Variants in XXYLT1 observed in about 807,000 individuals in gnomAD.
The protein encoded by XXYLT1 is xyloside xylosyltransferase 1, also known as UDP-xylose:alpha-xyloside alpha-1,3-xylosyltransferase.
XXYLT1 carries 20 observed loss-of-function variants against 28.9 expected under a neutral mutation model. The observed-to-expected ratio is 0.69, with a 90% confidence interval of 0.49 to 1.00. XXYLT1 has a LOEUF of 1.00. Ranked by LOEUF, XXYLT1 falls within the 50% of genes least tolerant of loss-of-function variation. The pLI is 0.00. For missense variants in XXYLT1, 542 were observed against 560.1 expected (o/e 0.97, Z 0.33); for synonymous variants, 257 against 253.8 (o/e 1.01, Z -0.12).
At chr3:195,167,454 G>A (rs1560131164) in intron 2 of XXYLT1, among the ~76,000 whole-genome samples, 3 of 152,114 alleles carry the variant, frequency 2.0e-5, no homozygotes, top group Non-Finnish European at 4.4e-5. Context: ...AGCCGGGAGT[G>A]GTGGTGGGCA....
chr3:195,128,481 G>C (rs907959086), intron 3 of XXYLT1, among the ~76,000 whole-genome samples: 3 of 152,130 alleles, frequency 2.0e-5, no homozygotes, highest in Non-Finnish European at 4.4e-5. Flanking sequence ...ATCCTCACCA[G>C]GATAAAGCAC....
intron 3 of XXYLT1, among the ~76,000 whole-genome samples, chr3:195,098,635 A>T (rs1427694672): frequency 2.0e-5 from 3 of 152,214 alleles, no homozygotes; most frequent in African/African-American, 7.2e-5. Flanking sequence ...GTGGCAGAGG[A>T]GGTGAAGCCA....
intron 1 of XXYLT1, among the ~76,000 whole-genome samples, chr3:195,244,761 CAAAA>C (rs869207427): frequency 5.2e-3 from 138 of 26,530 alleles, no homozygotes; most frequent in African/African-American, 0.017. Context: ...GACTCTGTCT[CAAAA>C]AAAAAAAAAA....
intron 1 of XXYLT1, among the ~76,000 whole-genome samples, chr3:195,227,398 G>T (rs116687786): frequency 6.6e-6 from 1 of 152,168 alleles, no homozygotes; most frequent in African/African-American, 2.4e-5. Context: ...AATGGAACCC[G>T]GAAACTGCTC....
chr3:195,194,995 A>G (rs73890727), intron 2 of XXYLT1, among the ~76,000 whole-genome samples: 7,805 of 152,228 alleles, frequency 0.051, 618 homozygotes, highest in African/African-American at 0.18. Context: ...GGTTACATAA[A>G]CCTATAAATT....
chr3:195,103,156 A>G (rs1429504221), intron 3 of XXYLT1, among the ~76,000 whole-genome samples: 1 of 152,222 alleles, frequency 6.6e-6, no homozygotes, highest in Admixed American at 6.5e-5. Context: ...GGGGGCAGAT[A>G]AAAGGGAGCC....
chr3:195,160,085 GA>G (rs72159320), intron 2 of XXYLT1, among the ~76,000 whole-genome samples: 21,476 of 146,758 alleles, frequency 0.15, 1,882 homozygotes, highest in East Asian at 0.44. Flanking sequence ...ACAAGAAAAG[GA>G]AAAAAAAATC....
chr3:195,120,394 G>A (rs897245100), intron 3 of XXYLT1, among the ~76,000 whole-genome samples: 10 of 151,596 alleles, frequency 6.6e-5, no homozygotes, highest in Non-Finnish European at 1.5e-4. Flanking sequence ...GGCTGGCCTT[G>A]AACCATGTGT....
chr3:195,220,578 T>G (rs754068177), intron 2 of XXYLT1, among the ~76,000 whole-genome samples: 1 of 152,198 alleles, frequency 6.6e-6, no homozygotes, highest in Non-Finnish European at 1.5e-5. Flanking sequence ...GGACTCCTAC[T>G]CTCTCTGATA....
chr3:195,096,832 CTG>C (rs767553698), intron 3 of XXYLT1, among the ~76,000 whole-genome samples: 13 of 152,220 alleles, frequency 8.5e-5, no homozygotes, highest in Admixed American at 1.3e-4. Context: ...TTGACTGAAA[CTG>C]TAGGTACTCA....
intron 3 of XXYLT1, among the ~76,000 whole-genome samples, chr3:195,148,983 T>C (rs1720030585): frequency 2.0e-5 from 3 of 152,216 alleles, no homozygotes; most frequent in Admixed American, 1.3e-4. Context: ...TAAGGGCTGA[T>C]AGTTATTGAG....
chr3:195,120,237 C>CG lies in XXYLT1; in HGVS notation c.785+36211_785+36212insC, dbSNP rs1191900557. Among the ~76,000 whole-genome samples, 686 of 150,982 alleles carry CG rather than the reference C, an allele frequency of 4.5e-3. 5 individuals carry two copies. The highest frequency in any genetic ancestry group is 0.016 in the African/African-American group (653 of 40,948). ...CTGACACAGTAGCTGCCCCATCCTCCTGGGGGTGCCCCTCCCAACCCCACC... is the reference window on the plus strand; with the variant it reads ...CTGACACAGTAGCTGCCCCATCCTCCGTGGGGGTGCCCCTCCCAACCCCACC... On this transcript the variant is annotated intron_variant, in intron 3 of 3. Transcript: ENST00000310380.
At chr3:195,159,278 T>C (rs1720753212) in intron 2 of XXYLT1, among the ~76,000 whole-genome samples, 1 of 152,184 alleles carries the variant, frequency 6.6e-6, no homozygotes, top group Admixed American at 6.5e-5. Context: ...ACACTGGTTA[T>C]AACTGATGCC....
rs1721657723 is a variant in XXYLT1, at chr3:195,176,206, A to G, written c.653-19625T>C. On this transcript the variant is annotated intron_variant, in intron 2 of 3. Transcript: ENST00000310380. The surrounding 1 kb of genome is among the most constrained non-coding windows in gnomAD (Gnocchi z 4.9). ...CAAGTGGCTGGGACTACAGGTGTGT[A>G]CCACCATGCCCCGCTAATTTCTGTA... Among the ~76,000 whole-genome samples, 1 of 152,136 alleles carries G rather than the reference A, an allele frequency of 6.6e-6. No individual in the cohort carries two copies. The highest frequency in any genetic ancestry group is 1.5e-5 in the Non-Finnish European group (1 of 68,008).
chr3:195,265,466 C>G (rs1298334675), intron 1 of XXYLT1, among the ~76,000 whole-genome samples: 2 of 151,956 alleles, frequency 1.3e-5, no homozygotes, highest in Non-Finnish European at 2.9e-5. Context: ...TCTTTCTGAA[C>G]AGTTAAGATT....
At chr3:195,175,498 G>A in intron 2 of XXYLT1, 1 of 1,421,808 alleles carries the variant, frequency 7.0e-7, no homozygotes. Context: ...TGAGTTCTGT[G>A]TTGCATGTTG....
intron 1 of XXYLT1, among the ~76,000 whole-genome samples, chr3:195,246,836 T>C (rs189592056): frequency 6.6e-6 from 1 of 152,248 alleles, no homozygotes; most frequent in Non-Finnish European, 1.5e-5. Flanking sequence ...TAACACGGTC[T>C]ATCCAGCCCC....
chr3:195,131,608 A>G (rs1718909677), intron 3 of XXYLT1, among the ~76,000 whole-genome samples: 1 of 152,210 alleles, frequency 6.6e-6, no homozygotes, highest in Non-Finnish European at 1.5e-5. Context: ...CAAGTCAACA[A>G]TGCAAGCAAC....
At chr3:195,083,166 T>C (rs73206620) in intron 3 of XXYLT1, among the ~76,000 whole-genome samples, 13,740 of 152,234 alleles carry the variant, frequency 0.09, 828 homozygotes, top group East Asian at 0.28. Flanking sequence ...AGTGCTTGCC[T>C]TTTCCTACGC....
Sources: gnomAD v4.1 joint callset for allele counts (sites outside exome capture counted in the v4.1 genomes callset) on GRCh38, gnomAD v4.1.1 for gene constraint, Gnocchi (gnomAD v3.1) non-coding constraint, MANE v1.5 for transcripts, NCBI Gene and HGNC (gene_info 2026-07-23, HGNC 2026-07-21) for gene names.